The following AHCTF1 variants were observed in gnomAD, a reference collection of about 807,000 sequenced individuals.
AHCTF1 encodes protein ELYS.
AHCTF1 carries 24 observed loss-of-function variants against 248.4 expected under a neutral mutation model. The ratio of observed to expected loss-of-function variants is 0.10; its 90% CI spans 0.07 to 0.14. AHCTF1 has a LOEUF of 0.14. AHCTF1 is among the 10% of genes least tolerant of loss of function. The probability of loss-of-function intolerance (pLI) is 1.00; values close to 1 mark genes in which losing one functional copy is unlikely to be tolerated. For synonymous variants in AHCTF1, 786 were observed against 929.8 expected (o/e 0.85, Z 2.81); for missense variants, 2,206 against 2,636.2 (o/e 0.84, Z 3.57).
chr1:246,842,651 T>C, intron 35 of AHCTF1, 43 bp downstream of exon 35: 2 of 1,528,556 alleles, frequency 1.3e-6, no homozygotes, highest in East Asian at 4.5e-5. Context: ...AGCGAGACTG[T>C]CTCAATCAAT....
At chr1:246,924,481 A>G (rs561472911) in intron 1 of AHCTF1, among the ~76,000 whole-genome samples, 1 of 152,116 alleles carries the variant, frequency 6.6e-6, no homozygotes, top group Non-Finnish European at 1.5e-5. Context: ...TAAAACATAT[A>G]TATATAAAAT....
Position 246,857,687 on chromosome 1 carries a change from T to G in AHCTF1, c.4256+4A>C. 6.3e-7 allele frequency: 1 copy of G among 1,599,494 alleles called. No individual in the cohort carries two copies. Among genetic ancestry groups the G allele is most frequent in the Non-Finnish European group, 8.5e-7 (1 of 1,175,706 alleles). On this transcript the variant is annotated splice_donor_region_variant and intron_variant, in intron 30 of 35. Transcript: ENST00000648844. Reference sequence around the variant, plus strand: ...AGTATTTGAATTTCTCTCCATTAACTTACCCTTCATAGACTGATGGTGCAC... The same window carrying G: ...AGTATTTGAATTTCTCTCCATTAACGTACCCTTCATAGACTGATGGTGCAC...
At chr1:246,875,953 A>G (rs1662928973) in intron 24 of AHCTF1, 84 bp downstream of exon 24, 2 of 1,333,246 alleles carry the variant, frequency 1.5e-6, no homozygotes, top group Admixed American at 5.0e-5. Flanking sequence ...GAAAGTAGCT[A>G]AATTTAAGGT....
At chr1:246,931,474 A>T in intron 1 of AHCTF1, 104 bp downstream of exon 1, 5 of 854,890 alleles carry the variant, frequency 5.8e-6, no homozygotes, top group Non-Finnish European at 7.1e-6. Flanking sequence ...CGCGGGGCAG[A>T]AGCCCCGCCG....
At chr1:246,858,404 G>C (rs901904947) in intron 29 of AHCTF1, among the ~76,000 whole-genome samples, 3 of 152,140 alleles carry the variant, frequency 2.0e-5, no homozygotes, top group African/African-American at 7.2e-5. Context: ...AAGTAGATAA[G>C]AAAACTGAAG....
In AHCTF1 at chr1:246,851,371, T is replaced by C; in HGVS notation, c.4635A>G (p.Leu1545=). 1.9e-6 allele frequency: 3 copies of C among 1,613,912 alleles called. No individual in the cohort carries two copies. Among genetic ancestry groups the C allele is most frequent in the Non-Finnish European group, 2.5e-6 (3 of 1,179,838 alleles). ...GAAGCTTAAGTGTTCCAGAGGGATA[T>C]AACTCATTAAATGAAAGATTCCTAG... ...EEARNLSFNE[L]YPSGTLKLQY... is the part of the protein sequence containing the mutation. Residue 1545 remains leucine (L), a synonymous_variant, in exon 33 of 36, where the codon TTA becomes TTG. Coordinates refer to ENST00000648844, the MANE Select transcript of AHCTF1 (RefSeq NM_001323342.2).
intron 33 of AHCTF1, 107 bp downstream of exon 33, chr1:246,849,508 G>C: frequency 2.1e-6 from 3 of 1,425,920 alleles, no homozygotes. Context: ...TGGTTTGAGG[G>C]GGGAAGGGGA....
At chr1:246,892,783 C>T (rs1420286048) in intron 14 of AHCTF1, among the ~76,000 whole-genome samples, 3 of 150,308 alleles carry the variant, frequency 2.0e-5, no homozygotes, top group Admixed American at 1.3e-4. Context: ...AGGCATGTGC[C>T]ACCCTGCCCA....
intron 6 of AHCTF1, among the ~76,000 whole-genome samples, chr1:246,904,580 G>A (rs1313169415): frequency 1.3e-5 from 2 of 152,162 alleles, no homozygotes; most frequent in African/African-American, 2.4e-5. Flanking sequence ...GAAGGAGAAC[G>A]GGCAGTTGGG....
chr1:246,903,699 C>A (rs973982786), intron 7 of AHCTF1, among the ~76,000 whole-genome samples: 14 of 146,604 alleles, frequency 9.5e-5, no homozygotes, highest in African/African-American at 3.6e-4. Flanking sequence ...ATTAGCCAGG[C>A]GTGGTGGCGG....
intron 1 of AHCTF1, among the ~76,000 whole-genome samples, chr1:246,930,934 TCAAAA>T (rs775674631): frequency 2.0e-5 from 3 of 152,038 alleles, no homozygotes; most frequent in Non-Finnish European, 2.9e-5. Context: ...TCCCCATCTC[TCAAAA>T]CAAAACACCC....
chr1:246,864,153 A>G, intron 26 of AHCTF1, 37 bp from the exon 27 acceptor site: 2 of 1,585,238 alleles, frequency 1.3e-6, no homozygotes, highest in Non-Finnish European at 1.7e-6. Flanking sequence ...GTTATACTGA[A>G]AAAACAAAAG....
intron 18 of AHCTF1, 76 bp from the exon 19 acceptor site, chr1:246,888,309 G>C: frequency 6.2e-7 from 1 of 1,612,068 alleles, no homozygotes; most frequent in Non-Finnish European, 8.5e-7. Flanking sequence ...GTTTTCCCAA[G>C]TTTGTGCCAG....
At position 246,888,469 on chromosome 1, in the gene AHCTF1, C is replaced by T; in HGVS notation, c.2193G>A (p.Gln731=). The change falls in exon 18 of 36, where the codon CAG becomes CAA. Residue 731 remains glutamine, a synonymous_variant. Transcript: ENST00000648844. The part of the protein sequence containing the change: ...DCLMIDGLVS[Q]LGERIEKLWK... The stretch of plus-strand genomic sequence containing the variant: ...ACAACTTCTCAATTCGCTCTCCTAA[C>T]TGAGAAACCAGTCCATCAATCATCA... The T allele has an allele frequency of 1.9e-6, 3 of 1,613,720 alleles. No individual in the cohort carries two copies.
chr1:246,881,327 A>G (rs1663387454), intron 21 of AHCTF1, among the ~76,000 whole-genome samples: 2 of 152,210 alleles, frequency 1.3e-5, no homozygotes, highest in Non-Finnish European at 2.9e-5. Flanking sequence ...AGGAACTGAG[A>G]CATCCACCAT....
chr1:246,867,535 A>G lies in AHCTF1; in HGVS notation c.3239+126T>C, dbSNP rs965281954. ...TTCTTCTCAGAAACATAGCCAACAT[A>G]AAGAGTTTTTCTTTTTTACATACAC... is the stretch of plus-strand genomic sequence containing the variant. On this transcript the variant is annotated intron_variant, in intron 25 of 35. Coordinates refer to ENST00000648844, the MANE Select transcript of AHCTF1 (RefSeq NM_001323342.2). The G allele has an allele frequency of 5.6e-6, 7 of 1,261,038 alleles. No individual in the cohort carries two copies. The East Asian group carries it at 7.2e-5, about 13-fold the overall frequency. 78.1% of individuals were successfully genotyped at this position (1,261,038 alleles called of 1,614,324 possible).
chr1:246,901,319 C>T (rs937061365), intron 8 of AHCTF1, among the ~76,000 whole-genome samples: 6 of 151,320 alleles, frequency 4.0e-5, no homozygotes, highest in African/African-American at 7.3e-5. Flanking sequence ...CCAGCCTGGG[C>T]GACAGTGAGA....
intron 11 of AHCTF1, among the ~76,000 whole-genome samples, chr1:246,898,730 C>T (rs963428035): frequency 3.4e-4 from 51 of 152,108 alleles, no homozygotes; most frequent in African/African-American, 1.2e-3. Flanking sequence ...AGTATAAATA[C>T]AGCATTCATC....
intron 27 of AHCTF1, among the ~76,000 whole-genome samples, chr1:246,862,784 A>C (rs1467735925): frequency 1.3e-5 from 2 of 152,216 alleles, no homozygotes; most frequent in Non-Finnish European, 2.9e-5. Flanking sequence ...AGTAAGACTG[A>C]CTGTAGTGTT....
Sources: allele counts gnomAD v4.1 joint callset (sites outside exome capture counted in the v4.1 genomes callset), GRCh38; gene constraint gnomAD v4.1.1; transcripts MANE v1.5; gene names NCBI Gene and HGNC (gene_info 2026-07-23, HGNC 2026-07-21).